ZBTB40: variants seen among roughly 807,000 people sequenced by gnomAD.
ZBTB40 encodes the protein zinc finger and BTB domain-containing protein 40.
A neutral mutation model predicts 117.5 loss-of-function variants in ZBTB40; 60 were observed. That is an observed-to-expected ratio of 0.51 (90% CI 0.41 to 0.63). ZBTB40 has a LOEUF of 0.63. Ranked by LOEUF, ZBTB40 falls within the 30% of genes least tolerant of loss-of-function variation. The pLI, the probability that ZBTB40 is intolerant of heterozygous loss-of-function variation, is 0.00. For synonymous variants in ZBTB40, 525 were observed against 577.1 expected (o/e 0.91, Z 1.29); for missense variants, 1,287 against 1,498.5 (o/e 0.86, Z 2.33).
chr1:22,486,654 G>T (rs555397648), intron 1 of ZBTB40, among the ~76,000 whole-genome samples: 2 of 152,168 alleles, frequency 1.3e-5, no homozygotes, highest in Admixed American at 1.3e-4. Flanking sequence ...CCAGTGATTC[G>T]ATTGCAGTTC....
intron 5 of ZBTB40, among the ~76,000 whole-genome samples, chr1:22,505,404 G>A (rs1449912358): frequency 6.6e-6 from 1 of 152,152 alleles, no homozygotes; most frequent in Non-Finnish European, 1.5e-5. Flanking sequence ...CACCAAGGAA[G>A]GACAAAGGAG....
At chr1:22,507,522 A>G (rs1348372257) in intron 6 of ZBTB40, among the ~76,000 whole-genome samples, 5 of 152,182 alleles carry the variant, frequency 3.3e-5, no homozygotes, top group Non-Finnish European at 4.4e-5. Context: ...AATTTTTCTT[A>G]ACTTCCAAGT....
Position 22,511,899 on chromosome 1 carries a change from C to A in ZBTB40, c.2226C>A (p.Asp742Glu), listed in dbSNP as rs368817057. Residue 742 changes from aspartate to glutamate, a missense_variant, in exon 11 of 18, where the codon GAC becomes GAA. Around this residue, in one of 2 missense-constraint regions of ZBTB40, gnomAD observed 870 missense variants for 934.4 expected, o/e 0.93. Coordinates refer to ENST00000375647, the MANE Select transcript of ZBTB40 (RefSeq NM_014870.4). ...AGAGCTTCATCTGTAAGGCCTGCGA[C>A]AAAAGCTTCCATTTCTACTGCCGCC... ...AKKSFICKACDKSFHFYCRLK... is the reference protein window; with the variant it reads ...AKKSFICKACEKSFHFYCRLK... The A allele has an allele frequency of 2.7e-5, 43 of 1,614,068 alleles. No homozygotes were observed. Among genetic ancestry groups the A allele is most frequent in the Non-Finnish European group, 2.1e-5 (25 of 1,180,036 alleles).
Position 22,489,913 on chromosome 1 carries a change from G to A in ZBTB40, c.-36G>A, listed in dbSNP as rs373637163. 8.1e-6 allele frequency: 13 copies of A among 1,598,148 alleles called. No individual in the cohort carries two copies. The highest frequency in any genetic ancestry group is 1.0e-5 in the Non-Finnish European group (12 of 1,174,458). ...CTCCCAAAGCCAACTCTAAGGAGAG[G>A]AGAGGAAGAGCAGTTCTTGGGGCAG... On this transcript the variant is annotated 5_prime_UTR_variant, in exon 2 of 18. Transcript: ENST00000375647.
chr1:22,476,428 C>G (rs908409966), intron 1 of ZBTB40, among the ~76,000 whole-genome samples: 2 of 152,174 alleles, frequency 1.3e-5, no homozygotes, highest in Non-Finnish European at 2.9e-5. Context: ...CCGTGTTGCC[C>G]AAGCTGGTCT....
At chr1:22,499,116 G>T (rs939288335) in intron 3 of ZBTB40, among the ~76,000 whole-genome samples, 17 of 152,190 alleles carry the variant, frequency 1.1e-4, no homozygotes, top group Admixed American at 9.2e-4. Context: ...CTCAACTGGG[G>T]GAGTATCTTT....
intron 13 of ZBTB40, among the ~76,000 whole-genome samples, chr1:22,519,169 G>A (rs1639454698): frequency 6.6e-6 from 1 of 152,224 alleles, no homozygotes; most frequent in African/African-American, 2.4e-5. Flanking sequence ...GAATTAATCT[G>A]AATCAATGCA....
At position 22,529,199 on chromosome 1, in the gene ZBTB40, GTGTT is replaced by G. The variant is rs1272263712; in HGVS notation, c.*2807_*2810del. ...ACCTGAATTGCTGCCATAGAGGACA[GTGTT>G]TGTGTGGTCTCCTGAGTCCACATCG... is the stretch of plus-strand genomic sequence containing the variant. On this transcript the variant is annotated 3_prime_UTR_variant, in exon 18 of 18. Transcript: ENST00000375647. The G allele has an allele frequency of 1.3e-5, 2 of 152,360 alleles. No homozygotes were observed. The highest frequency in any genetic ancestry group is 4.8e-5 in the African/African-American group (2 of 41,438). The allele number at this position is 152,360 out of a possible 1,614,324, so 9.4% of individuals were successfully genotyped here.
chr1:22,496,893 A>G (rs533873344), intron 3 of ZBTB40, among the ~76,000 whole-genome samples: 8 of 152,344 alleles, frequency 5.3e-5, no homozygotes, highest in African/African-American at 1.9e-4. Context: ...TTGAGGAGCA[A>G]GGAAGCCAGT....
At chr1:22,495,606 G>A (rs1410898799) in intron 3 of ZBTB40, among the ~76,000 whole-genome samples, 1 of 152,034 alleles carries the variant, frequency 6.6e-6, no homozygotes, top group Non-Finnish European at 1.5e-5. Flanking sequence ...CCACCTCCTG[G>A]GTTCAAGCAG....
intron 9 of ZBTB40, among the ~76,000 whole-genome samples, chr1:22,510,117 G>T (rs1569867447): frequency 6.6e-6 from 1 of 152,218 alleles, no homozygotes; most frequent in African/African-American, 2.4e-5. Flanking sequence ...TGGGGACTGG[G>T]GGAACTCATG....
Position 22,529,612 on chromosome 1 carries a change from A to C in ZBTB40, c.*3216A>C, listed in dbSNP as rs1346779474. On this transcript the variant is annotated 3_prime_UTR_variant, in exon 18 of 18. Transcript: ENST00000375647. ...ACCTGGAACCAGAGGGGCAGGGACC[A>C]GGGGTCTTTACTCATTTATTTTATG... is the stretch of plus-strand genomic sequence containing the variant. 1 of 152,330 alleles carries C rather than the reference A, an allele frequency of 6.6e-6. No homozygotes were observed. The highest frequency in any genetic ancestry group is 1.5e-5 in the Non-Finnish European group (1 of 68,042). 9.4% of individuals were successfully genotyped at this position (152,330 alleles called of 1,614,324 possible). A position where few individuals can be genotyped will look rare whatever the true frequency, so the allele number is the denominator to read the frequency against.
Position 22,508,110 on chromosome 1 carries a change from G to T in ZBTB40, c.1470G>T (p.Met490Ile). 1 of 1,614,006 alleles carries T rather than the reference G, an allele frequency of 6.2e-7. No individual in the cohort carries two copies. The highest frequency in any genetic ancestry group is 8.5e-7 in the Non-Finnish European group (1 of 1,180,036). ...TTTTATTAAAGATGATCTCACACAT[G>T]ACAAGTTTAGCCCCTGGAGAAAGAG... Reference protein sequence around the residue: ...NQILLKMISHMTSLAPGEREV... With the variant: ...NQILLKMISHITSLAPGEREV... The change falls in exon 7 of 18, where the codon ATG becomes ATT. Residue 490 changes from methionine to isoleucine, a missense_variant. This residue lies in a region of ZBTB40 where 870 missense variants were observed against 934.4 expected (regional missense o/e 0.93). Coordinates refer to ENST00000375647, the MANE Select transcript of ZBTB40 (RefSeq NM_014870.4).
chr1:22,460,745 T>G (rs1337162567), intron 1 of ZBTB40, among the ~76,000 whole-genome samples: 4 of 152,160 alleles, frequency 2.6e-5, no homozygotes, highest in African/African-American at 9.7e-5. Context: ...TTAAAAATTG[T>G]TTTTCAAACT....
intron 1 of ZBTB40, among the ~76,000 whole-genome samples, chr1:22,455,729 A>G (rs1313666898): frequency 1.3e-5 from 2 of 152,264 alleles, no homozygotes; most frequent in Middle Eastern, 3.4e-3. Flanking sequence ...TTTTCAGTCT[A>G]TTTTATTTCA....
At chr1:22,474,002 T>C (rs1351441911) in intron 1 of ZBTB40, among the ~76,000 whole-genome samples, 1 of 152,044 alleles carries the variant, frequency 6.6e-6, no homozygotes, top group Non-Finnish European at 1.5e-5. Flanking sequence ...ATAAGCAAAG[T>C]GTTATTAGCA....
At chr1:22,463,392 GTA>G (rs1641175327) in intron 1 of ZBTB40, among the ~76,000 whole-genome samples, 1 of 152,188 alleles carries the variant, frequency 6.6e-6, no homozygotes, top group Non-Finnish European at 1.5e-5. Context: ...GAAGAAAAGT[GTA>G]TTATAATCAA....
At chr1:22,471,424 A>G (rs1030952639) in intron 1 of ZBTB40, among the ~76,000 whole-genome samples, 2 of 152,256 alleles carry the variant, frequency 1.3e-5, no homozygotes, top group Non-Finnish European at 2.9e-5. Flanking sequence ...GCACATCTGC[A>G]TTTGGGCTCT....
In ZBTB40 at chr1:22,511,708, A is replaced by G. The variant is rs1445504777; in HGVS notation, c.2035A>G (p.Thr679Ala). The G allele has an allele frequency of 3.1e-6, 5 of 1,608,398 alleles. No homozygotes were observed. The highest frequency in any genetic ancestry group is 1.7e-5 in the Admixed American group (1 of 58,544). ...TACTAAGGAAGATGGAGAGAAGGAA[A>G]CGTGGAAGGTGAGTAATAAATTTCA... is the stretch of plus-strand genomic sequence containing the variant. The part of the protein sequence containing the change: ...VLTKEDGEKE[T>A]WKVSNKFHLE... Residue 679 changes from threonine (T) to alanine (A), a missense_variant, in exon 11 of 18, where the codon ACG becomes GCG. By Grantham distance (58) the Thr-to-Ala change is moderately conservative. This residue lies in a region of ZBTB40 where 870 missense variants were observed against 934.4 expected (regional missense o/e 0.93). Transcript: ENST00000375647.
Sources: allele counts gnomAD v4.1 joint callset (sites outside exome capture counted in the v4.1 genomes callset), GRCh38; gene constraint gnomAD v4.1.1; regional missense constraint gnomAD v4.1.1; transcripts MANE v1.5; gene names NCBI Gene and HGNC (gene_info 2026-07-23, HGNC 2026-07-21).